The following SWT1 variants were observed in gnomAD, a reference collection of about 807,000 sequenced individuals.
The protein encoded by SWT1 is transcriptional protein SWT1.
SWT1 carries 33 observed loss-of-function variants against 107.3 expected under a neutral mutation model. The ratio of observed to expected loss-of-function variants is 0.31; its 90% CI spans 0.23 to 0.41. The LOEUF (loss-of-function observed/expected upper bound fraction) is 0.41. Ranked by LOEUF, SWT1 falls within the 10% of genes least tolerant of loss-of-function variation. The pLI is 1.00. For missense variants in SWT1, 898 were observed against 1,028.9 expected (o/e 0.87, Z 1.74); for synonymous variants, 345 against 348.3 (o/e 0.99, Z 0.11).
intron 16 of SWT1, chr1:185,264,539 T>C: frequency 1.3e-6 from 1 of 766,860 alleles, no homozygotes. Flanking sequence ...TCCAAGTATG[T>C]TACCTATGTT....
chr1:185,271,241 G>A (rs1164603439), intron 16 of SWT1, 82 bp from the exon 17 acceptor site: 2 of 733,844 alleles, frequency 2.7e-6, no homozygotes, highest in African/African-American at 1.8e-5. Context: ...TGTGGTATGG[G>A]TATGTTTTGG....
At chr1:185,276,530 TG>T in intron 17 of SWT1, 73 bp from the exon 18 acceptor site, 1 of 792,154 alleles carries the variant, frequency 1.3e-6, no homozygotes, top group Non-Finnish European at 2.0e-6. Context: ...TCTCAGAATA[TG>T]GGCTACTCTA....
At chr1:185,219,528 T>A (rs1659474502) in intron 14 of SWT1, among the ~76,000 whole-genome samples, 3 of 152,166 alleles carry the variant, frequency 2.0e-5, no homozygotes, top group Non-Finnish European at 2.9e-5. Context: ...TTTGAAATAA[T>A]CATTTTATCA....
At chr1:185,260,720 T>C (rs967673397) in intron 16 of SWT1, among the ~76,000 whole-genome samples, 2 of 152,134 alleles carry the variant, frequency 1.3e-5, no homozygotes, top group African/African-American at 4.8e-5. Flanking sequence ...GTTGTGTTTA[T>C]GAATATGTGT....
At chr1:185,262,651 G>GGTGCT (rs1014199970) in intron 16 of SWT1, 1 of 152,306 alleles carries the variant, frequency 6.6e-6, no homozygotes, top group Non-Finnish European at 1.5e-5. Flanking sequence ...CTGAAGTCCA[G>GGTGCT]GATCAAGGTG....
chr1:185,158,696 T>C (rs1653869503), intron 1 of SWT1, among the ~76,000 whole-genome samples: 1 of 152,188 alleles, frequency 6.6e-6, no homozygotes, highest in Non-Finnish European at 1.5e-5. Context: ...GGTCTGTGCT[T>C]GTAAGACATC....
chr1:185,189,095 C>T (rs1456235903), intron 9 of SWT1, among the ~76,000 whole-genome samples: 2 of 152,258 alleles, frequency 1.3e-5, no homozygotes, highest in South Asian at 2.1e-4. Context: ...CCTCCCTCCT[C>T]GGCCTCCTGA....
At chr1:185,251,555 G>T (rs1571617912) in intron 16 of SWT1, 1 of 151,962 alleles carries the variant, frequency 6.6e-6, no homozygotes, top group Non-Finnish European at 1.5e-5. Context: ...ATTTTTCTTT[G>T]CATATTTTGA....
chr1:185,291,113 A>G lies in SWT1; in HGVS notation c.*310A>G. On this transcript the variant is annotated 3_prime_UTR_variant, in exon 19 of 19. Coordinates refer to ENST00000367500, the MANE Select transcript of SWT1 (RefSeq NM_017673.7). ...TTTTAGTCATCCTAGGGCAGGAGCC[A>G]CTGTGGCATCTGAGGAAGACCCAGG... 5.9e-6 allele frequency: 1 copy of G among 169,530 alleles called. No individual in the cohort carries two copies. The highest frequency in any genetic ancestry group is 1.3e-5 in the Non-Finnish European group (1 of 79,018). The allele number at this position is 169,530 out of a possible 1,614,324, so 10.5% of individuals were successfully genotyped here.
chr1:185,227,414 A>G (rs763383782), intron 15 of SWT1: 13 of 665,980 alleles, frequency 2.0e-5, no homozygotes, highest in Non-Finnish European at 3.1e-5. Flanking sequence ...ATGCCGCAGC[A>G]TAATTTTTCA....
intron 9 of SWT1, among the ~76,000 whole-genome samples, chr1:185,188,529 C>T (rs1656683189): frequency 6.6e-6 from 1 of 152,208 alleles, no homozygotes; most frequent in South Asian, 2.1e-4. Context: ...CTTCCTCACA[C>T]TCATGTCCTG....
chr1:185,245,895 A>G (rs1014860658), intron 16 of SWT1, among the ~76,000 whole-genome samples: 9 of 151,890 alleles, frequency 5.9e-5, no homozygotes, highest in Non-Finnish European at 1.2e-4. Flanking sequence ...CAGCCTCCCA[A>G]GTAGCTGGGA....
intron 16 of SWT1, among the ~76,000 whole-genome samples, chr1:185,251,826 G>A (rs1571618857): frequency 6.6e-6 from 1 of 150,858 alleles, no homozygotes; most frequent in African/African-American, 2.4e-5. Context: ...TAAATTTTAG[G>A]GTACATGTGC....
chr1:185,168,277 T>C (rs946766353), intron 3 of SWT1, 63 bp from the exon 4 acceptor site: 12 of 1,027,828 alleles, frequency 1.2e-5, no homozygotes, highest in Middle Eastern at 4.3e-4. Context: ...TTCACTATCA[T>C]AAACTGTGGA....
chr1:185,241,789 T>G (rs1661270903), intron 16 of SWT1, among the ~76,000 whole-genome samples: 1 of 152,102 alleles, frequency 6.6e-6, no homozygotes, highest in Non-Finnish European at 1.5e-5. Context: ...ATTAGATGAA[T>G]AGTTAATGTA....
chr1:185,166,916 A>T lies in SWT1; in HGVS notation c.165+264A>T, dbSNP rs548860869. On this transcript the variant is annotated intron_variant, in intron 3 of 18. Coordinates refer to ENST00000367500, the MANE Select transcript of SWT1 (RefSeq NM_017673.7). ...CATATATATGGTTTTATATATATAT[A>T]TTTTTTTTGAGACAGAGTCTTACTC... 2.2e-3 allele frequency among the ~76,000 whole-genome samples: 339 copies of T among 151,640 alleles called. 1 individual carries two copies. Among genetic ancestry groups the T allele is most frequent in the Non-Finnish European group, 2.8e-3 (193 of 67,862 alleles).
chr1:185,186,706 T>A (rs2102394446), intron 9 of SWT1, among the ~76,000 whole-genome samples: 1 of 152,250 alleles, frequency 6.6e-6, no homozygotes, highest in African/African-American at 2.4e-5. Flanking sequence ...GATGGGTTTA[T>A]CAGTTATTTT....
chr1:185,260,216 A>G (rs1162380962), intron 16 of SWT1, among the ~76,000 whole-genome samples: 1 of 152,158 alleles, frequency 6.6e-6, no homozygotes, highest in East Asian at 1.9e-4. Flanking sequence ...AAAACCAGGA[A>G]GGAGTCTAGA....
intron 18 of SWT1, among the ~76,000 whole-genome samples, chr1:185,286,661 G>T (rs1420616171): frequency 6.6e-6 from 1 of 152,040 alleles, no homozygotes; most frequent in Non-Finnish European, 1.5e-5. Flanking sequence ...TTTGTGTGTT[G>T]ATCTTTTACA....
Sources: allele counts gnomAD v4.1 joint callset (sites outside exome capture counted in the v4.1 genomes callset), GRCh38; gene constraint gnomAD v4.1.1; transcripts MANE v1.5; gene names NCBI Gene and HGNC (gene_info 2026-07-23, HGNC 2026-07-21).